The following MAML3 variants were observed in gnomAD, a reference collection of about 807,000 sequenced individuals.
The protein encoded by MAML3 is mastermind-like protein 3.
Under a neutral mutation model 101.9 loss-of-function variants are expected in MAML3, and 27 were observed. That is an observed-to-expected ratio of 0.27 (90% CI 0.20 to 0.37). The LOEUF (loss-of-function observed/expected upper bound fraction) is 0.37, where lower values mean the gene tolerates loss of function less well. Among genes scored for constraint, MAML3 ranks in the 10% least tolerant of loss-of-function variants. MAML3 has a pLI of 1.00. For missense variants in MAML3, 1,316 were observed against 1,444.9 expected (o/e 0.91, Z 1.45); for synonymous variants, 501 against 555.9 (o/e 0.90, Z 1.39).
At chr4:139,916,928 T>C (rs1226733325) in intron 1 of MAML3, among the ~76,000 whole-genome samples, 1 of 152,158 alleles carries the variant, frequency 6.6e-6, no homozygotes, top group Non-Finnish European at 1.5e-5. Flanking sequence ...TAATAAAATA[T>C]AGAGATAATG....
At chr4:139,876,008 C>T (rs570800914) in intron 2 of MAML3, among the ~76,000 whole-genome samples, 12 of 150,220 alleles carry the variant, frequency 8.0e-5, no homozygotes, top group East Asian at 3.9e-4. Context: ...TTTTCTAACT[C>T]GCGCTGTTCA....
intron 2 of MAML3, among the ~76,000 whole-genome samples, chr4:139,815,736 A>G (rs1045152174): frequency 1.3e-5 from 2 of 152,196 alleles, no homozygotes; most frequent in Non-Finnish European, 2.9e-5. Flanking sequence ...CCAGAACTCA[A>G]CTGGGACAAA....
In MAML3 at chr4:139,719,963, G is replaced by C. The variant is rs914987203; in HGVS notation, c.2777C>G (p.Thr926Ser). ...CCCTTTCATCTGTGGATGTTGCTGG[G>C]TAATGGCTGAGTTCACCAGCATGCT... is the stretch of plus-strand genomic sequence containing the variant. ...GQSMLVNSAI[T>S]QQHPQMKGPV... The change falls in exon 5 of 5, where the codon ACC becomes AGC. Residue 926 changes from threonine (T) to serine (S), a missense_variant. Transcript: ENST00000509479. 6.2e-7 allele frequency: 1 copy of C among 1,614,100 alleles called. No individual in the cohort carries two copies. Among genetic ancestry groups the C allele is most frequent in the Non-Finnish European group, 8.5e-7 (1 of 1,179,916 alleles).
chr4:139,941,490 C>T (rs566530137), intron 1 of MAML3, among the ~76,000 whole-genome samples: 49 of 152,010 alleles, frequency 3.2e-4, no homozygotes, highest in Admixed American at 2.0e-3. Context: ...AATTCTGGTA[C>T]GCAAAACTAG....
intron 1 of MAML3, among the ~76,000 whole-genome samples, chr4:140,035,001 G>A (rs1234376633): frequency 6.6e-6 from 1 of 152,132 alleles, no homozygotes; most frequent in Admixed American, 6.6e-5. Context: ...ATGGAGTCTT[G>A]CTCTATTGCC....
At chr4:139,802,557 TAACG>T (rs1472172880) in intron 2 of MAML3, among the ~76,000 whole-genome samples, 2 of 152,206 alleles carry the variant, frequency 1.3e-5, no homozygotes, top group Non-Finnish European at 2.9e-5. Context: ...ATTACAAAGA[TAACG>T]AACAATCCCT....
intron 2 of MAML3, among the ~76,000 whole-genome samples, chr4:139,800,497 A>G (rs373596194): frequency 1.3e-4 from 20 of 152,342 alleles, no homozygotes; most frequent in African/African-American, 4.8e-4. Context: ...CACTTACTGA[A>G]AAGTATAAAG....
intron 1 of MAML3, among the ~76,000 whole-genome samples, chr4:139,912,282 C>T (rs1434580058): frequency 1.3e-5 from 2 of 152,020 alleles, no homozygotes; most frequent in Non-Finnish European, 2.9e-5. Context: ...GAGGTGGAGA[C>T]AAAGAAGTTT....
intron 4 of MAML3, among the ~76,000 whole-genome samples, chr4:139,725,080 T>C (rs927467280): frequency 6.6e-6 from 1 of 152,166 alleles, no homozygotes; most frequent in African/African-American, 2.4e-5. Context: ...CTATTAGAGA[T>C]GGAAGGGTTT....
chr4:140,014,081 C>T (rs186689962), intron 1 of MAML3, among the ~76,000 whole-genome samples: 33 of 152,316 alleles, frequency 2.2e-4, no homozygotes, highest in Non-Finnish European at 4.1e-4. Flanking sequence ...TTTCTGTGAT[C>T]TCCTAAATTG....
At chr4:139,938,504 C>T (rs1733546689) in intron 1 of MAML3, among the ~76,000 whole-genome samples, 1 of 152,178 alleles carries the variant, frequency 6.6e-6, no homozygotes, top group South Asian at 2.1e-4. Flanking sequence ...CAATGACATT[C>T]TAATACCCAT....
chr4:140,049,961 C>A lies in MAML3; in HGVS notation c.468+102899G>T, dbSNP rs577984468. 2.6e-4 allele frequency among the ~76,000 whole-genome samples: 40 copies of A among 152,030 alleles called. No individual in the cohort carries two copies. In the South Asian group the frequency reaches 7.9e-3, roughly 30 times the overall value. On this transcript the variant is annotated intron_variant, in intron 1 of 4. Coordinates refer to ENST00000509479, the MANE Select transcript of MAML3 (RefSeq NM_018717.5). ...ATTTTAGCATTTGAAAATTAACTTT[C>A]TGGAGTGGAAAGTGGCAAAAGAGAA...
At chr4:139,892,111 G>A (rs1732511389) in intron 1 of MAML3, among the ~76,000 whole-genome samples, 1 of 152,202 alleles carries the variant, frequency 6.6e-6, no homozygotes, top group African/African-American at 2.4e-5. Context: ...ACAAAACTGG[G>A]CTGGGTACAT....
intron 2 of MAML3, among the ~76,000 whole-genome samples, chr4:139,784,491 C>T (rs530679247): frequency 2.0e-4 from 30 of 152,282 alleles, no homozygotes; most frequent in Admixed American, 5.9e-4. Context: ...TCTCTCCCTG[C>T]TGTGATTGAC....
chr4:139,921,706 T>A (rs2111234958), intron 1 of MAML3, among the ~76,000 whole-genome samples: 1 of 152,138 alleles, frequency 6.6e-6, no homozygotes, highest in Non-Finnish European at 1.5e-5. Flanking sequence ...TCCTCCACTT[T>A]CCCTGGAGCC....
At chr4:139,975,672 T>C (rs1470683946) in intron 1 of MAML3, among the ~76,000 whole-genome samples, 2 of 152,162 alleles carry the variant, frequency 1.3e-5, no homozygotes, top group Admixed American at 6.5e-5. Context: ...TGGCCTAGAA[T>C]AGGGGCCCAG....
intron 1 of MAML3, among the ~76,000 whole-genome samples, chr4:140,107,521 T>C (rs550947360): frequency 6.6e-6 from 1 of 151,730 alleles, no homozygotes; most frequent in East Asian, 1.9e-4. Context: ...TTTTTTTTTT[T>C]TGAGACAGAC....
chr4:139,899,926 C>T (rs115125790), intron 1 of MAML3, among the ~76,000 whole-genome samples: 8 of 152,232 alleles, frequency 5.3e-5, no homozygotes, highest in African/African-American at 1.7e-4. Flanking sequence ...GGGTGTCAGC[C>T]GTAAGCAGTT....
intron 2 of MAML3, among the ~76,000 whole-genome samples, chr4:139,777,664 C>A (rs746205938): frequency 1.3e-5 from 2 of 152,258 alleles, no homozygotes; most frequent in Non-Finnish European, 2.9e-5. Context: ...GTAACTGGGA[C>A]TCCAGGCATG....
Sources: allele counts gnomAD v4.1 joint callset (sites outside exome capture counted in the v4.1 genomes callset), GRCh38; gene constraint gnomAD v4.1.1; transcripts MANE v1.5; gene names NCBI Gene and HGNC (gene_info 2026-07-23, HGNC 2026-07-21).